TTC23: variants seen among roughly 807,000 people sequenced by gnomAD.
TTC23 encodes tetratricopeptide repeat domain 23.
Under a neutral mutation model 55.1 loss-of-function variants are expected in TTC23, and 58 were observed. That is an observed-to-expected ratio of 1.05 (90% confidence interval 0.85 to 1.31). The LOEUF is 1.31. TTC23 is among the 50% of genes most tolerant of loss of function. TTC23 has a pLI of 0.00. For synonymous variants in TTC23, 203 were observed against 199.9 expected, an observed-to-expected ratio of 1.02 and a Z score of -0.13; for missense variants, 516 against 534.4, an observed-to-expected ratio of 0.97 and a Z score of 0.34.
At chr15:99,166,607 G>A (rs2072132306) in intron 10 of TTC23, among the ~76,000 whole-genome samples, 1 of 152,216 alleles carries the variant, frequency 6.6e-6, no homozygotes, top group Non-Finnish European at 1.5e-5. Context: ...AGAAGGCCAG[G>A]CGTTGTGGTG....
chr15:99,147,104 G>C (rs2151850959), intron 12 of TTC23, among the ~76,000 whole-genome samples: 1 of 150,522 alleles, frequency 6.6e-6, no homozygotes, highest in East Asian at 2.0e-4. Context: ...TAGTAGAGAT[G>C]GGGTTTCACC....
chr15:99,206,471 A>T (rs545784850), intron 8 of TTC23, among the ~76,000 whole-genome samples: 16 of 152,280 alleles, frequency 1.1e-4, no homozygotes, highest in African/African-American at 3.8e-4. Context: ...CATTCTATCA[A>T]TGCTTCTATC....
At chr15:99,170,120 G>A (rs970054006) in intron 10 of TTC23, among the ~76,000 whole-genome samples, 5 of 152,184 alleles carry the variant, frequency 3.3e-5, no homozygotes, top group Non-Finnish European at 7.3e-5. Context: ...TGCTCCTCTG[G>A]GAAGCTGGCC....
intron 9 of TTC23, among the ~76,000 whole-genome samples, chr15:99,177,775 C>A (rs1226074836): frequency 6.6e-6 from 1 of 152,160 alleles, no homozygotes; most frequent in Non-Finnish European, 1.5e-5. Context: ...ATGTGTCTAA[C>A]AAAATTATTT....
At chr15:99,222,080 T>C (rs2077986317) in intron 5 of TTC23, among the ~76,000 whole-genome samples, 3 of 151,962 alleles carry the variant, frequency 2.0e-5, no homozygotes, top group Non-Finnish European at 4.4e-5. Flanking sequence ...ACAATAAACA[T>C]AAGAAGTACA....
chr15:99,244,662 T>C (rs902635121), intron 2 of TTC23, among the ~76,000 whole-genome samples: 7 of 152,158 alleles, frequency 4.6e-5, no homozygotes, highest in African/African-American at 1.4e-4. Context: ...GGACATTCCA[T>C]GTTCATAGAT....
At chr15:99,164,393 C>T (rs931712390) in intron 10 of TTC23, among the ~76,000 whole-genome samples, 1 of 152,178 alleles carries the variant, frequency 6.6e-6, no homozygotes, top group Non-Finnish European at 1.5e-5. Flanking sequence ...CCCTACCCTA[C>T]AAGAGGAAAA....
chr15:99,191,944 G>A (rs180995261), intron 9 of TTC23, among the ~76,000 whole-genome samples: 25 of 152,326 alleles, frequency 1.6e-4, no homozygotes, highest in African/African-American at 6.0e-4. Context: ...GGTGGTCTCA[G>A]ATGGAGATGA....
chr15:99,238,757 C>T (rs1197963079), intron 3 of TTC23, among the ~76,000 whole-genome samples: 1 of 152,140 alleles, frequency 6.6e-6, no homozygotes, highest in Non-Finnish European at 1.5e-5. Flanking sequence ...AGTTGGTAAA[C>T]ACAAATATTG....
intron 9 of TTC23, among the ~76,000 whole-genome samples, chr15:99,194,591 C>A (rs1386020388): frequency 6.8e-6 from 1 of 147,206 alleles, no homozygotes; most frequent in Non-Finnish European, 1.5e-5. Flanking sequence ...CAGACACAGA[C>A]CTTATACCCT....
chr15:99,188,841 C>G (rs1451019418), intron 9 of TTC23, among the ~76,000 whole-genome samples: 1 of 152,040 alleles, frequency 6.6e-6, no homozygotes, highest in Non-Finnish European at 1.5e-5. Context: ...GGGAAACTGG[C>G]ACTATCATAC....
chr15:99,239,594 C>G (rs1168299165), intron 3 of TTC23, among the ~76,000 whole-genome samples: 1 of 152,210 alleles, frequency 6.6e-6, no homozygotes, highest in Non-Finnish European at 1.5e-5. Context: ...CCCTGTTGTA[C>G]AGAGACACAG....
chr15:99,199,554 AG>A (rs1331305992), intron 9 of TTC23, among the ~76,000 whole-genome samples: 3 of 152,120 alleles, frequency 2.0e-5, no homozygotes, highest in Admixed American at 6.5e-5. Context: ...CTTATAAAGT[AG>A]ACTAGCAGCT....
chr15:99,214,303 C>T (rs967383766), intron 8 of TTC23, among the ~76,000 whole-genome samples: 3 of 151,796 alleles, frequency 2.0e-5, no homozygotes, highest in African/African-American at 4.8e-5. Flanking sequence ...GTCAAGAGAT[C>T]GAGACCATCC....
At chr15:99,145,704 TTC>T (rs1388951126) in intron 12 of TTC23, among the ~76,000 whole-genome samples, 3 of 152,136 alleles carry the variant, frequency 2.0e-5, no homozygotes, top group Non-Finnish European at 4.4e-5. Flanking sequence ...CTCTCTTTCT[TTC>T]TCTGTCTGTC....
intron 5 of TTC23, 188 bp downstream of exon 5, chr15:99,228,345 T>C (rs1283971023): frequency 2.2e-6 from 1 of 445,228 alleles, no homozygotes; most frequent in Non-Finnish European, 3.9e-6. Context: ...TTGTTGGCCA[T>C]GCGAACTGCT....
intron 3 of TTC23, among the ~76,000 whole-genome samples, chr15:99,240,613 T>C (rs1221211090): frequency 6.6e-6 from 1 of 152,206 alleles, no homozygotes; most frequent in African/African-American, 2.4e-5. Flanking sequence ...CAATCCCTAT[T>C]GGCTACCGGA....
chr15:99,156,348 G>C (rs1365408077), intron 11 of TTC23, 51 bp from the exon 12 acceptor site: 3 of 1,596,916 alleles, frequency 1.9e-6, no homozygotes, highest in Non-Finnish European at 2.6e-6. Flanking sequence ...AGGCTGATTA[G>C]GATCATTACG....
At chr15:99,177,310 T>C (rs2073674345) in intron 9 of TTC23, among the ~76,000 whole-genome samples, 1 of 152,226 alleles carries the variant, frequency 6.6e-6, no homozygotes, top group South Asian at 2.1e-4. Context: ...CTTTTCTTAT[T>C]ACAGAATATA....
Sources: gnomAD v4.1 joint callset for allele counts (sites outside exome capture counted in the v4.1 genomes callset) on GRCh38, gnomAD v4.1.1 for gene constraint, MANE v1.5 for transcripts, NCBI Gene and HGNC (gene_info 2026-07-23, HGNC 2026-07-21) for gene names.